GLIS3: variants seen among roughly 807,000 people sequenced by gnomAD.
GLIS3 encodes GLIS family zinc finger 3.
In GLIS3, 53 loss-of-function variants were observed where a neutral mutation model predicts 78.6. That is an observed-to-expected ratio of 0.67 (90% confidence interval 0.54 to 0.85). The LOEUF (loss-of-function observed/expected upper bound fraction) is 0.85, where lower values mean the gene tolerates loss of function less well. Among genes scored for constraint, GLIS3 ranks in the 40% least tolerant of loss-of-function variants. The pLI is 0.00. For missense variants in GLIS3, 1,703 were observed against 1,231.1 expected (o/e 1.38, Z -5.74); for synonymous variants, 684 against 509.9 (o/e 1.34, Z -4.60).
chr9:4,352,488 G>C (rs190755422), upstream of GLIS3, among the ~76,000 whole-genome samples: 719 of 152,378 alleles, frequency 4.7e-3, 3 homozygotes, highest in Non-Finnish European at 8.5e-3. Context: ...TAAACCCAAG[G>C]GCCTTCCCTG....
At chr9:4,465,101 T>C in the GLIS3 span, among the ~76,000 whole-genome samples, 1 of 152,244 alleles carries the variant, frequency 6.6e-6, no homozygotes, top group Non-Finnish European at 1.5e-5. Context: ...AGAATCAACA[T>C]TTCCCTCTCT....
chr9:3,863,571 T>A (rs1482028971), intron 8 of GLIS3, among the ~76,000 whole-genome samples: 5 of 152,178 alleles, frequency 3.3e-5, no homozygotes, highest in African/African-American at 1.2e-4. Flanking sequence ...AAATAATTCA[T>A]AAGGTTGGAA....
intron 8 of GLIS3, among the ~76,000 whole-genome samples, chr9:3,858,547 A>G (rs527272487): frequency 6.6e-6 from 1 of 152,156 alleles, no homozygotes; most frequent in South Asian, 2.1e-4. Context: ...ATTCAGGCTG[A>G]ATTTTCCTCT....
chr9:3,852,896 A>T (rs1313897520), intron 9 of GLIS3, among the ~76,000 whole-genome samples: 1 of 152,136 alleles, frequency 6.6e-6, no homozygotes, highest in Non-Finnish European at 1.5e-5. Flanking sequence ...GCCATGGGGA[A>T]TTTTTTAACA....
the GLIS3 span, among the ~76,000 whole-genome samples, chr9:4,455,852 C>T: frequency 6.6e-6 from 1 of 152,122 alleles, no homozygotes; most frequent in African/African-American, 2.4e-5. Context: ...GTGGCTCACA[C>T]CTGTAATCCT....
chr9:4,200,910 C>G (rs1044890766), intron 2 of GLIS3, among the ~76,000 whole-genome samples: 10 of 152,160 alleles, frequency 6.6e-5, no homozygotes, highest in African/African-American at 2.4e-4. Flanking sequence ...GCCAATATCC[C>G]TGATGAACAC....
At chr9:3,922,111 A>G (rs555041886) in intron 6 of GLIS3, among the ~76,000 whole-genome samples, 15 of 152,374 alleles carry the variant, frequency 9.8e-5, no homozygotes, top group African/African-American at 3.6e-4. Context: ...ATATACTAGC[A>G]TATGCGCTAT....
the GLIS3 span, among the ~76,000 whole-genome samples, chr9:4,430,140 T>C: frequency 2.6e-5 from 4 of 152,076 alleles, no homozygotes; most frequent in African/African-American, 7.2e-5. Flanking sequence ...AGAAAAGTAA[T>C]GTAAAAACCA....
At chr9:4,186,232 A>C (rs1336352085) in intron 2 of GLIS3, among the ~76,000 whole-genome samples, 1 of 146,136 alleles carries the variant, frequency 6.8e-6, no homozygotes, top group Non-Finnish European at 1.5e-5. Flanking sequence ...CTCACCTATG[A>C]GTGAGAACAT....
chr9:3,980,919 G>A lies in GLIS3; in HGVS notation c.1711-43730C>T, dbSNP rs538394587. On this transcript the variant is annotated intron_variant, in intron 4 of 10. Transcript: ENST00000381971. Reference sequence around the variant, plus strand: ...AGTGACACTTGGCATTTCAATGAGCGTTCTGTATTTACTACACGGTTTCTC... The same window carrying A: ...AGTGACACTTGGCATTTCAATGAGCATTCTGTATTTACTACACGGTTTCTC... 1.9e-4 allele frequency among the ~76,000 whole-genome samples: 29 copies of A among 152,212 alleles called. No homozygotes were observed. In the South Asian group the frequency reaches 5.0e-3, roughly 26 times the overall value.
At chr9:3,857,402 T>C (rs1486910805) in intron 8 of GLIS3, among the ~76,000 whole-genome samples, 1 of 152,234 alleles carries the variant, frequency 6.6e-6, no homozygotes, top group Non-Finnish European at 1.5e-5. Context: ...GTCAAGCTTA[T>C]AAAGTGATTG....
rs560224934 is a variant in GLIS3, at chr9:3,924,123, T to C, written c.1983+8237A>G. On this transcript the variant is annotated intron_variant, in intron 6 of 10. Transcript: ENST00000381971. ...AATTCCCTCTAGCTTCGATTCCAGCTTGCTTTCCTTTGTCTGGATCTTCTG... is the reference window on the plus strand; with the variant it reads ...AATTCCCTCTAGCTTCGATTCCAGCCTGCTTTCCTTTGTCTGGATCTTCTG... 1.6e-4 allele frequency among the ~76,000 whole-genome samples: 24 copies of C among 152,352 alleles called. No homozygotes were observed. In the South Asian group the frequency reaches 4.6e-3, roughly 29 times the overall value.
intron 2 of GLIS3, among the ~76,000 whole-genome samples, chr9:4,322,367 G>A (rs931124284): frequency 6.6e-6 from 1 of 152,136 alleles, no homozygotes; most frequent in African/African-American, 2.4e-5. Flanking sequence ...ATAGGAACAT[G>A]ATTTATAATC....
chr9:4,234,069 G>A (rs1268598179), intron 2 of GLIS3, among the ~76,000 whole-genome samples: 1 of 152,160 alleles, frequency 6.6e-6, no homozygotes, highest in Non-Finnish European at 1.5e-5. Flanking sequence ...TTAGCTTGAG[G>A]GAATTTTGTG....
intron 8 of GLIS3, 150 bp from the exon 9 acceptor site, chr9:3,856,334 C>A: frequency 1.4e-6 from 1 of 717,446 alleles, no homozygotes; most frequent in Non-Finnish European, 2.4e-6. Flanking sequence ...GGATTTTTCT[C>A]TACCCTCTCT....
chr9:3,986,962 A>G (rs1458746045), intron 4 of GLIS3, among the ~76,000 whole-genome samples: 1 of 152,238 alleles, frequency 6.6e-6, no homozygotes, highest in Non-Finnish European at 1.5e-5. Context: ...TTGAGTAAAA[A>G]AAGACAGTCA....
chr9:4,152,942 G>A (rs77636356), intron 2 of GLIS3, among the ~76,000 whole-genome samples: 1 of 152,140 alleles, frequency 6.6e-6, no homozygotes, highest in East Asian at 1.9e-4. Context: ...TTTCTTATAG[G>A]TTGAATGCAG....
intron 4 of GLIS3, among the ~76,000 whole-genome samples, chr9:3,962,624 A>C (rs945384456): frequency 1.3e-5 from 2 of 152,152 alleles, no homozygotes; most frequent in Non-Finnish European, 2.9e-5. Flanking sequence ...CATGCCTTTG[A>C]GCAGTTTTTT....
At chr9:4,196,446 A>G (rs1403129139) in intron 2 of GLIS3, among the ~76,000 whole-genome samples, 1 of 152,228 alleles carries the variant, frequency 6.6e-6, no homozygotes, top group Non-Finnish European at 1.5e-5. Context: ...TTTGCGATAA[A>G]TCTTGCTGCT....
Sources: gnomAD v4.1 joint callset for allele counts (sites outside exome capture counted in the v4.1 genomes callset) on GRCh38, gnomAD v4.1.1 for gene constraint, MANE v1.5 for transcripts, NCBI Gene and HGNC (gene_info 2026-07-23, HGNC 2026-07-21) for gene names.